Variants in TTC28 observed in about 807,000 individuals in gnomAD.
TTC28 encodes the protein tetratricopeptide repeat domain 28, also known as tetratricopeptide repeat protein 28.
TTC28 carries 61 observed loss-of-function variants against 198.0 expected under a neutral mutation model. The ratio of observed to expected loss-of-function variants is 0.31; its 90% CI spans 0.25 to 0.38. TTC28 has a LOEUF of 0.38. TTC28 is among the 10% of genes least tolerant of loss of function. TTC28 has a pLI of 1.00. For missense variants in TTC28, 2,678 were observed against 3,164.0 expected (o/e 0.85, Z 3.69); for synonymous variants, 1,171 against 1,297.8 (o/e 0.90, Z 2.10).
At position 28,156,710 on chromosome 22, in the gene TTC28, C is replaced by T. The variant is rs62237573; in HGVS notation, c.1441+6382G>A. Among the ~76,000 whole-genome samples, 943 of 152,178 alleles carry T rather than the reference C, an allele frequency of 6.2e-3. 6 individuals are homozygous for T. Among genetic ancestry groups the T allele is most frequent in the Non-Finnish European group, 8.5e-3 (577 of 68,008 alleles). On this transcript the variant is annotated intron_variant, in intron 6 of 22. Coordinates refer to ENST00000397906, the MANE Select transcript of TTC28 (RefSeq NM_001145418.2). ...TGGAAATGTGAAAGTGATGCTCAGG[C>T]AGGAAAGAAGTCAGAGCTGGTGAAT...
chr22:28,287,879 G>A (rs1173446873), intron 5 of TTC28, among the ~76,000 whole-genome samples: 1 of 152,052 alleles, frequency 6.6e-6, no homozygotes, highest in Admixed American at 6.5e-5. Flanking sequence ...TTAAAACAGG[G>A]CTTCACAAAT....
intron 2 of TTC28, among the ~76,000 whole-genome samples, chr22:28,520,990 T>C (rs913857748): frequency 1.3e-5 from 2 of 151,942 alleles, no homozygotes; most frequent in South Asian, 2.1e-4. Context: ...CAGGCGGAGG[T>C]TGCAGTGAGC....
intron 13 of TTC28, among the ~76,000 whole-genome samples, chr22:28,015,569 T>G (rs539417364): frequency 6.6e-5 from 10 of 151,414 alleles, no homozygotes; most frequent in African/African-American, 2.4e-4. Flanking sequence ...TCCACAGTTA[T>G]GTACCACAAC....
chr22:28,557,058 A>C (rs2049797816), intron 2 of TTC28, among the ~76,000 whole-genome samples: 1 of 152,194 alleles, frequency 6.6e-6, no homozygotes, highest in Non-Finnish European at 1.5e-5. Flanking sequence ...GTGAGTGAGG[A>C]CAATATAAGG....
intron 2 of TTC28, among the ~76,000 whole-genome samples, chr22:28,387,340 G>A (rs1194094709): frequency 5.3e-5 from 8 of 152,170 alleles, no homozygotes; most frequent in Non-Finnish European, 1.2e-4. Flanking sequence ...ATGATTTATA[G>A]TCCTTTGGGT....
intron 5 of TTC28, among the ~76,000 whole-genome samples, chr22:28,169,376 G>A (rs771903832): frequency 4.6e-5 from 7 of 152,046 alleles, no homozygotes; most frequent in Non-Finnish European, 8.8e-5. Context: ...ATGCACACAT[G>A]TTTATTGTGG....
chr22:28,399,045 T>C (rs749392087), intron 2 of TTC28, among the ~76,000 whole-genome samples: 5 of 151,472 alleles, frequency 3.3e-5, no homozygotes, highest in Non-Finnish European at 7.4e-5. Flanking sequence ...TTTCTAACTG[T>C]AGTGATCTGG....
intron 5 of TTC28, among the ~76,000 whole-genome samples, chr22:28,205,736 G>C (rs895443447): frequency 6.6e-6 from 1 of 152,026 alleles, no homozygotes; most frequent in Non-Finnish European, 1.5e-5. Context: ...GATAGGGGAA[G>C]GAGCCCACAT....
chr22:28,038,224 C>A (rs1312085102), intron 12 of TTC28, among the ~76,000 whole-genome samples: 1 of 152,066 alleles, frequency 6.6e-6, no homozygotes, highest in Admixed American at 6.6e-5. Flanking sequence ...AATCCTAAGC[C>A]AAAAGAACAA....
chr22:28,071,748 GAAAAAAA>G (rs371615737), intron 12 of TTC28, among the ~76,000 whole-genome samples: 6 of 91,156 alleles, frequency 6.6e-5, no homozygotes, highest in Middle Eastern at 6.2e-3. Flanking sequence ...AAAAAAAAAG[GAAAAAAA>G]AAAAAAAAAA....
chr22:28,318,671 T>G (rs1601622303), intron 2 of TTC28, among the ~76,000 whole-genome samples: 1 of 152,302 alleles, frequency 6.6e-6, no homozygotes, highest in East Asian at 1.9e-4. Flanking sequence ...ACATGTTGTA[T>G]TTTTATACTA....
intron 14 of TTC28, among the ~76,000 whole-genome samples, chr22:28,004,545 G>A (rs529896931): frequency 3.5e-4 from 53 of 152,342 alleles, no homozygotes; most frequent in African/African-American, 1.2e-3. Context: ...CTAGGAGCTG[G>A]TACCAAGCTT....
At position 27,982,578 on chromosome 22, in the gene TTC28, G is replaced by C. The variant is rs1937059889; in HGVS notation, c.7089C>G (p.Phe2363Leu). Residue 2363 changes from phenylalanine (F) to leucine (L), a missense_variant, in exon 23 of 23, where the codon TTC (phenylalanine) becomes TTG (leucine). Around this residue, in one of 8 missense-constraint regions of TTC28, gnomAD observed 622 missense variants for 656.0 expected, o/e 0.95. Coordinates refer to ENST00000397906, the MANE Select transcript of TTC28 (RefSeq NM_001145418.2). This position sits in a 1 kb window ranked among gnomAD's most constrained non-coding sequence, Gnocchi z 5.2. ...KVQAVHNLKM[F>L]WQSTPQHSTG... ...TGGAATGCTGGGGTGTGCTCTGCCA[G>C]AACATCTTCAGGTTATGGACAGCCT... The C allele has an allele frequency of 6.4e-7, 1 of 1,551,672 alleles. No homozygotes were observed. The highest frequency in any genetic ancestry group is 1.2e-5 in the South Asian group (1 of 84,054).
intron 5 of TTC28, among the ~76,000 whole-genome samples, chr22:28,291,709 G>A (rs1185336237): frequency 6.6e-6 from 1 of 151,970 alleles, no homozygotes; most frequent in African/African-American, 2.4e-5. Flanking sequence ...TTTAACTAAA[G>A]GAAATGATAA....
chr22:28,425,019 C>T (rs1442455734), intron 2 of TTC28, among the ~76,000 whole-genome samples: 1 of 152,174 alleles, frequency 6.6e-6, no homozygotes, highest in Non-Finnish European at 1.5e-5. Flanking sequence ...GACTCTATTG[C>T]TTACTAAGTC....
rs894672404 is a variant in TTC28 at position 27,983,264 on chromosome 22, C to T, written c.6403G>A (p.Glu2135Lys). 1.9e-6 allele frequency: 3 copies of T among 1,551,984 alleles called. No individual in the cohort carries two copies. Residue 2135 changes from glutamate to lysine, a missense_variant, in exon 23 of 23, where the codon GAA becomes AAA. By Grantham distance (56) the Glu-to-Lys change is moderately conservative (BLOSUM62 1). Around this residue, in one of 8 missense-constraint regions of TTC28, gnomAD observed 622 missense variants for 656.0 expected, o/e 0.95. Coordinates refer to ENST00000397906, the MANE Select transcript of TTC28 (RefSeq NM_001145418.2). ...GTTTCTGTGCTAGACTGGTCTGATTCTCCTGTATCTGAGCTTGCTAGTTTT... is the reference window on the plus strand; with the variant it reads ...GTTTCTGTGCTAGACTGGTCTGATTTTCCTGTATCTGAGCTTGCTAGTTTT... ...VGKLASSDTGESDQSSTETDS... is the reference protein window; with the variant it reads ...VGKLASSDTGKSDQSSTETDS...
chr22:28,205,969 A>C (rs1926367635), intron 5 of TTC28, among the ~76,000 whole-genome samples: 1 of 151,768 alleles, frequency 6.6e-6, no homozygotes, highest in African/African-American at 2.4e-5. Flanking sequence ...CGGCTGCACA[A>C]AACCCTATGT....
intron 5 of TTC28, among the ~76,000 whole-genome samples, chr22:28,228,063 C>T (rs547727911): frequency 3.3e-5 from 5 of 152,012 alleles, no homozygotes; most frequent in Non-Finnish European, 7.4e-5. Flanking sequence ...CTGATGCATG[C>T]TACATGAATA....
chr22:28,585,212 G>A (rs1465986936), intron 2 of TTC28, among the ~76,000 whole-genome samples: 2 of 152,132 alleles, frequency 1.3e-5, no homozygotes, highest in Non-Finnish European at 2.9e-5. Flanking sequence ...AACATTTATT[G>A]TGCACTTTAT....
Sources: gnomAD v4.1 joint callset for allele counts (sites outside exome capture counted in the v4.1 genomes callset) on GRCh38, gnomAD v4.1.1 for gene constraint, gnomAD v4.1.1 regional missense constraint, Gnocchi (gnomAD v3.1) non-coding constraint, MANE v1.5 for transcripts, NCBI Gene and HGNC (gene_info 2026-07-23, HGNC 2026-07-21) for gene names.